Variants in AGAP1 observed in about 807,000 individuals in gnomAD.
The protein encoded by AGAP1 is arf-GAP with GTPase, ANK repeat and PH domain-containing protein 1.
Under a neutral mutation model 105.3 loss-of-function variants are expected in AGAP1, and 29 were observed. The observed-to-expected ratio is 0.28, with a 90% CI of 0.21 to 0.38. The LOEUF (loss-of-function observed/expected upper bound fraction) is 0.38, where lower values mean the gene tolerates loss of function less well. AGAP1 is among the 10% of genes least tolerant of loss of function. The pLI is 1.00. For synonymous variants in AGAP1, 509 were observed against 485.9 expected (o/e 1.05, Z -0.63); for missense variants, 998 against 1,165.1 (o/e 0.86, Z 2.09).
At chr2:235,545,851 G>C (rs575733940) in intron 1 of AGAP1, among the ~76,000 whole-genome samples, 1 of 152,308 alleles carries the variant, frequency 6.6e-6, no homozygotes, top group African/African-American at 2.4e-5. Flanking sequence ...ACACACCTCC[G>C]ATATCTGGTG....
intron 16 of AGAP1, among the ~76,000 whole-genome samples, chr2:236,099,838 G>A (rs991527310): frequency 3.9e-5 from 6 of 152,042 alleles, no homozygotes; most frequent in South Asian, 2.1e-4. Context: ...TCAGGAGTTC[G>A]AGACCAGCTT....
chr2:236,021,018 T>A (rs1456111860), intron 13 of AGAP1, among the ~76,000 whole-genome samples: 2 of 151,898 alleles, frequency 1.3e-5, no homozygotes, highest in Non-Finnish European at 2.9e-5. Flanking sequence ...ATACAAAAAT[T>A]AGCTGGGCAT....
At chr2:235,918,307 A>G (rs999427819) in intron 11 of AGAP1, among the ~76,000 whole-genome samples, 4 of 152,254 alleles carry the variant, frequency 2.6e-5, no homozygotes, top group African/African-American at 9.6e-5. Flanking sequence ...TAAAACCTCA[A>G]TATCAGTAGC....
intron 12 of AGAP1, among the ~76,000 whole-genome samples, chr2:235,945,794 T>C (rs577650262): frequency 3.7e-4 from 56 of 150,062 alleles, no homozygotes; most frequent in African/African-American, 1.3e-3. Context: ...GTACAGGAAA[T>C]GTGATGCTGG....
At chr2:235,641,175 C>T (rs1326306503) in intron 1 of AGAP1, among the ~76,000 whole-genome samples, 1 of 152,140 alleles carries the variant, frequency 6.6e-6, no homozygotes, top group Non-Finnish European at 1.5e-5. Context: ...CAGACCTACA[C>T]TTTATCTGAA....
In AGAP1 at chr2:235,692,629, TG is replaced by T. The variant is rs2149445873; in HGVS notation, c.164-16547del. On this transcript the variant is annotated intron_variant, in intron 1 of 17. Coordinates refer to ENST00000304032, the MANE Select transcript of AGAP1 (RefSeq NM_001037131.3). This position sits in a 1 kb window ranked among gnomAD's most constrained non-coding sequence, Gnocchi z 5.8. ...TGACTCAGCCTCAGTGCCTAGCCAG[TG>T]GGTTCCCCTCGCTGACCCTCAGCCC... Among the ~76,000 whole-genome samples the T allele has an allele frequency of 6.6e-6, 1 of 151,948 alleles. No homozygotes were observed. Among genetic ancestry groups the T allele is most frequent in the Non-Finnish European group, 1.5e-5 (1 of 67,946 alleles).
chr2:235,717,236 T>TG, intron 2 of AGAP1, among the ~76,000 whole-genome samples: 1 of 152,340 alleles, frequency 6.6e-6, no homozygotes, highest in South Asian at 2.1e-4. Flanking sequence ...GCACAGTAGA[T>TG]GCCGGCGGGC....
rs1477953141 is a variant in AGAP1, at chr2:235,801,373, A to T, written c.957+1851A>T. Among the ~76,000 whole-genome samples, 1 of 152,196 alleles carries T rather than the reference A, an allele frequency of 6.6e-6. No homozygotes were observed. The highest frequency in any genetic ancestry group is 1.5e-5 in the Non-Finnish European group (1 of 68,040). ...ATGGTTTTCTCACTCCATTGATGCT[A>T]TAAAATGATTTCTGATCGTGTTAAG... On this transcript the variant is annotated intron_variant, in intron 8 of 17. Coordinates refer to ENST00000304032, the MANE Select transcript of AGAP1 (RefSeq NM_001037131.3). The surrounding 1 kb of genome is among the most constrained non-coding windows in gnomAD (Gnocchi z 6.0).
intron 9 of AGAP1, among the ~76,000 whole-genome samples, chr2:235,848,125 C>G (rs1961728708): frequency 6.6e-6 from 1 of 152,236 alleles, no homozygotes; most frequent in Non-Finnish European, 1.5e-5. Flanking sequence ...CGCCATCATC[C>G]TGAGGATGCT....
At chr2:235,500,212 C>T (rs1398959390) in intron 1 of AGAP1, among the ~76,000 whole-genome samples, 1 of 151,970 alleles carries the variant, frequency 6.6e-6, no homozygotes, top group African/African-American at 2.4e-5. Context: ...GACATAGAAT[C>T]AATATTAAGA....
intron 3 of AGAP1, among the ~76,000 whole-genome samples, chr2:235,731,167 G>C (rs572771312): frequency 3.9e-5 from 6 of 152,346 alleles, no homozygotes; most frequent in African/African-American, 1.4e-4. Context: ...TTCTTGACCT[G>C]TGTAGGGTGG....
intron 4 of AGAP1, among the ~76,000 whole-genome samples, chr2:235,743,227 G>A (rs1240374579): frequency 2.0e-5 from 3 of 152,192 alleles, no homozygotes; most frequent in Non-Finnish European, 4.4e-5. Flanking sequence ...AGATTGGGGG[G>A]TTATTTATTG....
chr2:235,633,889 G>A lies in AGAP1; in HGVS notation c.164-75290G>A, dbSNP rs554884863. On this transcript the variant is annotated intron_variant, in intron 1 of 17. Transcript: ENST00000304032. The surrounding 1 kb of genome is among the most constrained non-coding windows in gnomAD (Gnocchi z 4.8). ...CCTGTGGCTCAGGGGAGAATGAGGGGCAAGAGATCAGGAGAGCAGGAGAAG... is the reference window on the plus strand; with the variant it reads ...CCTGTGGCTCAGGGGAGAATGAGGGACAAGAGATCAGGAGAGCAGGAGAAG... 6.0e-4 allele frequency among the ~76,000 whole-genome samples: 92 copies of A among 152,292 alleles called. 1 individual carries two copies. The highest frequency in any genetic ancestry group is 2.0e-3 in the African/African-American group (84 of 41,554).
Position 235,906,473 on chromosome 2 carries a change from G to A in AGAP1, c.1156-2265G>A, listed in dbSNP as rs1401711166. On this transcript the variant is annotated intron_variant, in intron 10 of 17. Transcript: ENST00000304032. This position sits in a 1 kb window ranked among gnomAD's most constrained non-coding sequence, Gnocchi z 5.3. ...TCTTGTCCCTCTGGGGCTGATGTAG[G>A]GGAGCCTGCTGGGGTTCTGTATTTA... Among the ~76,000 whole-genome samples, 1 of 152,154 alleles carries A rather than the reference G, an allele frequency of 6.6e-6. No individual in the cohort carries two copies. Among genetic ancestry groups the A allele is most frequent in the African/African-American group, 2.4e-5 (1 of 41,448 alleles).
chr2:235,929,673 C>T (rs11688792), intron 11 of AGAP1, among the ~76,000 whole-genome samples: 1,640 of 152,262 alleles, frequency 0.011, 41 homozygotes, highest in African/African-American at 0.036. Flanking sequence ...GACCTGGTTC[C>T]TGCCTCTGGC....
chr2:235,597,024 C>T (rs979741593), intron 1 of AGAP1, among the ~76,000 whole-genome samples: 8 of 152,176 alleles, frequency 5.3e-5, no homozygotes, highest in South Asian at 2.1e-4. Flanking sequence ...GAGAGGTAAA[C>T]GTGTGTTGTT....
chr2:235,774,317 G>C (rs1025574473), intron 6 of AGAP1: 6 of 469,772 alleles, frequency 1.3e-5, no homozygotes, highest in Non-Finnish European at 2.2e-5. Context: ...CGCCAGCCCA[G>C]GGCTGGGAAG....
intron 16 of AGAP1, among the ~76,000 whole-genome samples, chr2:236,097,178 C>G (rs982074651): frequency 1.1e-4 from 16 of 151,884 alleles, no homozygotes; most frequent in African/African-American, 3.9e-4. Context: ...TTGTGTCTTT[C>G]AGGATTATGA....
At chr2:235,717,723 C>A in intron 3 of AGAP1, 79 bp downstream of exon 3, 1 of 1,198,496 alleles carries the variant, frequency 8.3e-7, no homozygotes, top group Non-Finnish European at 1.2e-6. Context: ...TAAATCATGA[C>A]TTTGATGTAT....
Sources: allele counts gnomAD v4.1 joint callset (sites outside exome capture counted in the v4.1 genomes callset), GRCh38; gene constraint gnomAD v4.1.1; non-coding constraint Gnocchi (gnomAD v3.1); transcripts MANE v1.5; gene names NCBI Gene and HGNC (gene_info 2026-07-23, HGNC 2026-07-21).